The following FER variants were observed in gnomAD, a reference collection of about 807,000 sequenced individuals.
FER encodes FER tyrosine kinase.
Under a neutral mutation model 111.0 loss-of-function variants are expected in FER, and 63 were observed. The observed-to-expected ratio is 0.57, with a 90% confidence interval of 0.46 to 0.70. The LOEUF is 0.70. FER is among the 30% of genes least tolerant of loss of function. FER has a pLI of 0.00. For synonymous variants in FER, 327 were observed against 313.9 expected (o/e 1.04, Z -0.44); for missense variants, 914 against 954.0 (o/e 0.96, Z 0.55).
At chr5:109,094,895 A>T (rs141956109) in intron 16 of FER, among the ~76,000 whole-genome samples, 7 of 152,298 alleles carry the variant, frequency 4.6e-5, no homozygotes, top group African/African-American at 1.7e-4. Context: ...TTCTAATGCA[A>T]ACATTCTGAG....
At chr5:109,134,352 T>C (rs1324897755) in intron 17 of FER, among the ~76,000 whole-genome samples, 1 of 152,208 alleles carries the variant, frequency 6.6e-6, no homozygotes, top group Non-Finnish European at 1.5e-5. Flanking sequence ...AAGATAAATT[T>C]AATTTCCTTT....
At chr5:109,113,188 A>C (rs753657755) in intron 17 of FER, among the ~76,000 whole-genome samples, 1 of 152,154 alleles carries the variant, frequency 6.6e-6, no homozygotes, top group Non-Finnish European at 1.5e-5. Flanking sequence ...ACAGGTTAAT[A>C]ATATGAGGAG....
At chr5:108,808,720 G>T (rs1303342978) in intron 3 of FER, among the ~76,000 whole-genome samples, 1 of 152,052 alleles carries the variant, frequency 6.6e-6, no homozygotes, top group African/African-American at 2.4e-5. Flanking sequence ...GTGGTAGCAG[G>T]TATTTTCGTT....
intron 2 of FER, chr5:108,785,541 G>A (rs1265550238): frequency 1.8e-6 from 1 of 541,656 alleles, no homozygotes; most frequent in Non-Finnish European, 3.7e-6. Flanking sequence ...CAGGTGACAT[G>A]GGCACCTGCT....
intron 16 of FER, among the ~76,000 whole-genome samples, chr5:109,090,054 T>C (rs1176172146): frequency 6.6e-6 from 1 of 152,108 alleles, no homozygotes; most frequent in Non-Finnish European, 1.5e-5. Flanking sequence ...TTCTGGTTTT[T>C]TGGAGGTCTG....
chr5:108,906,128 A>G (rs1003571480), intron 10 of FER, among the ~76,000 whole-genome samples: 7 of 152,162 alleles, frequency 4.6e-5, no homozygotes, highest in Non-Finnish European at 8.8e-5. Context: ...TTACTGTGTT[A>G]CCCACTCTTG....
chr5:109,040,617 G>T (rs1297304151), intron 14 of FER, among the ~76,000 whole-genome samples: 1 of 152,136 alleles, frequency 6.6e-6, no homozygotes, highest in Non-Finnish European at 1.5e-5. Flanking sequence ...AACGGGAGGA[G>T]AGAATTAGCG....
chr5:109,193,716 T>G lies in FER; in HGVS notation c.*6141T>G, dbSNP rs1759536436. ...TGATTACTATTTCCTTTTCTCATCT[T>G]TAGTTTTTCAAGATTTTGCTTTACC... On this transcript the variant is annotated 3_prime_UTR_variant, in exon 20 of 20. Coordinates refer to ENST00000281092, the MANE Select transcript of FER (RefSeq NM_005246.4). 3 of 152,190 alleles carry G rather than the reference T, an allele frequency of 2.0e-5. No homozygotes were observed. Among genetic ancestry groups the G allele is most frequent in the Non-Finnish European group, 4.4e-5 (3 of 68,018 alleles). The allele number at this position is 152,190 out of a possible 1,614,324, so 9.4% of individuals were successfully genotyped here.
chr5:108,893,515 G>A (rs1748522760), intron 9 of FER, among the ~76,000 whole-genome samples: 1 of 151,856 alleles, frequency 6.6e-6, no homozygotes, highest in African/African-American at 2.4e-5. Context: ...GAAGTAGGAG[G>A]TCTTGGGATG....
intron 13 of FER, among the ~76,000 whole-genome samples, chr5:109,013,848 T>A (rs1284044078): frequency 6.6e-6 from 1 of 151,168 alleles, no homozygotes; most frequent in Non-Finnish European, 1.5e-5. Context: ...GTGAGCATTT[T>A]TTCATGTGTT....
At chr5:109,153,636 T>A (rs1416601305) in intron 17 of FER, among the ~76,000 whole-genome samples, 1 of 151,898 alleles carries the variant, frequency 6.6e-6, no homozygotes, top group African/African-American at 2.4e-5. Context: ...AACATTTATG[T>A]ATTGCTTTCT....
At chr5:109,154,536 G>T (rs1456305130) in intron 17 of FER, among the ~76,000 whole-genome samples, 1 of 151,796 alleles carries the variant, frequency 6.6e-6, no homozygotes, top group Non-Finnish European at 1.5e-5. Context: ...AAGAATACAG[G>T]AAGAAAAAAC....
At chr5:109,066,358 T>G (rs984822361) in intron 16 of FER, among the ~76,000 whole-genome samples, 2 of 152,318 alleles carry the variant, frequency 1.3e-5, no homozygotes, top group Non-Finnish European at 2.9e-5. Context: ...TGTTTTACAA[T>G]TTTTTACATC....
chr5:108,835,175 G>T (rs555537761), intron 4 of FER, among the ~76,000 whole-genome samples: 10 of 98,596 alleles, frequency 1.0e-4, no homozygotes, highest in South Asian at 3.0e-4. Flanking sequence ...TTATTTCTTC[G>T]TTTGCGCCAC....
intron 3 of FER, among the ~76,000 whole-genome samples, chr5:108,814,719 A>C (rs1202384561): frequency 6.6e-6 from 1 of 152,176 alleles, no homozygotes. Flanking sequence ...CTTTCTGGGC[A>C]TGCAGCTCAG....
In FER at chr5:109,051,714, C is replaced by T. The variant is rs547056483; in HGVS notation, c.1924+4516C>T. On this transcript the variant is annotated intron_variant, in intron 16 of 19. Coordinates refer to ENST00000281092, the MANE Select transcript of FER (RefSeq NM_005246.4). ...TGGCGGGGCTCAGCGGGCCAGTGGT[C>T]GCATGGTAAGGGTCGCTCTTTCCCT... 195 of 1,568,804 alleles carry T rather than the reference C, an allele frequency of 1.2e-4. 4 individuals are homozygous for T. In the South Asian group the frequency reaches 1.8e-3, roughly 14 times the overall value.
intron 13 of FER, among the ~76,000 whole-genome samples, chr5:109,002,319 C>T (rs970595203): frequency 7.3e-5 from 11 of 151,678 alleles, no homozygotes; most frequent in African/African-American, 7.3e-5. Flanking sequence ...AATAACGCCG[C>T]ATATCTACAA....
intron 16 of FER, among the ~76,000 whole-genome samples, chr5:109,076,561 TCAA>T (rs1776369768): frequency 6.6e-6 from 1 of 152,016 alleles, no homozygotes; most frequent in Admixed American, 6.6e-5. Context: ...CCTCAGCCTC[TCAA>T]GTAGTTGTGA....
At chr5:109,119,807 A>G (rs1750735775) in intron 17 of FER, among the ~76,000 whole-genome samples, 1 of 152,020 alleles carries the variant, frequency 6.6e-6, no homozygotes, top group Admixed American at 6.6e-5. Flanking sequence ...TTTAGATAGA[A>G]ATCATTTCAA....
Sources: gnomAD v4.1 joint callset for allele counts (sites outside exome capture counted in the v4.1 genomes callset) on GRCh38, gnomAD v4.1.1 for gene constraint, MANE v1.5 for transcripts, NCBI Gene and HGNC (gene_info 2026-07-23, HGNC 2026-07-21) for gene names.